The following CACNA2D3 variants were observed in gnomAD, a reference collection of about 807,000 sequenced individuals.
The protein encoded by CACNA2D3 is calcium voltage-gated channel auxiliary subunit alpha2delta 3.
In CACNA2D3, 60 loss-of-function variants were observed where a neutral mutation model predicts 160.6. The observed-to-expected ratio is 0.37, with a 90% CI of 0.30 to 0.46. CACNA2D3 has a LOEUF of 0.46. Ranked by LOEUF, CACNA2D3 falls within the 20% of genes least tolerant of loss-of-function variation. The probability of loss-of-function intolerance (pLI) is 1.00; values close to 1 mark genes in which losing one functional copy is unlikely to be tolerated. For synonymous variants in CACNA2D3, 558 were observed against 492.9 expected (o/e 1.13, Z -1.75); for missense variants, 1,205 against 1,365.0 (o/e 0.88, Z 1.85).
intron 3 of CACNA2D3, among the ~76,000 whole-genome samples, chr3:54,355,778 T>C (rs908196101): frequency 1.3e-5 from 2 of 152,178 alleles, no homozygotes; most frequent in Admixed American, 6.5e-5. Context: ...TATTAAGTCA[T>C]GTGTCTAGGA....
At chr3:55,006,785 TC>T (rs377401325) in intron 32 of CACNA2D3, among the ~76,000 whole-genome samples, 34 of 152,342 alleles carry the variant, frequency 2.2e-4, no homozygotes, top group African/African-American at 7.7e-4. Flanking sequence ...GTAAATTTGT[TC>T]TTGTTTCATT....
Position 54,494,440 on chromosome 3 carries a change from C to T in CACNA2D3, c.382-9052C>T, listed in dbSNP as rs114807832. The stretch of plus-strand genomic sequence containing the variant: ...ATCCCTATTTCATCTGCATTCTGGG[C>T]AGCGCAGATTATTCAATTAAATGGC... On this transcript the variant is annotated intron_variant, in intron 4 of 37. Coordinates refer to ENST00000474759, the MANE Select transcript of CACNA2D3 (RefSeq NM_018398.3). Among the ~76,000 whole-genome samples, 891 of 152,264 alleles carry T rather than the reference C, an allele frequency of 5.9e-3. 10 individuals carry two copies. Among genetic ancestry groups the T allele is most frequent in the African/African-American group, 0.019 (795 of 41,556 alleles).
chr3:54,505,343 C>A (rs1207354101), intron 5 of CACNA2D3, among the ~76,000 whole-genome samples: 2 of 152,158 alleles, frequency 1.3e-5, no homozygotes, highest in South Asian at 2.1e-4. Context: ...AAGGATGGGA[C>A]CTGTCTACTT....
At position 54,947,879 on chromosome 3, in the gene CACNA2D3, C is replaced by G. The variant is rs912158282; in HGVS notation, c.2450-20571C>G. ...CTCACTAGGGAGCTGCTTCAAACCTCACATCTGCCAACAAATTTGCCTGCA... is the reference window on the plus strand; with the variant it reads ...CTCACTAGGGAGCTGCTTCAAACCTGACATCTGCCAACAAATTTGCCTGCA... On this transcript the variant is annotated intron_variant, in intron 27 of 37. Coordinates refer to ENST00000474759, the MANE Select transcript of CACNA2D3 (RefSeq NM_018398.3). Among the ~76,000 whole-genome samples the G allele has an allele frequency of 5.3e-5, 8 of 152,164 alleles. No homozygotes were observed. In the East Asian group the frequency reaches 1.5e-3, roughly 29 times the overall value.
chr3:54,664,847 G>A (rs1333930190), intron 11 of CACNA2D3, among the ~76,000 whole-genome samples: 1 of 152,174 alleles, frequency 6.6e-6, no homozygotes, highest in East Asian at 1.9e-4. Flanking sequence ...TGGAGGTGGA[G>A]GCTCTGGCTG....
chr3:54,808,653 G>C (rs1413667211), intron 13 of CACNA2D3, among the ~76,000 whole-genome samples: 1 of 152,268 alleles, frequency 6.6e-6, no homozygotes, highest in South Asian at 2.1e-4. Flanking sequence ...GAAGGAAAGG[G>C]GTTAGATAAT....
chr3:54,565,278 G>GTA (rs1702391189), intron 6 of CACNA2D3, among the ~76,000 whole-genome samples: 2 of 152,148 alleles, frequency 1.3e-5, no homozygotes, highest in South Asian at 4.1e-4. Context: ...CATCATCATG[G>GTA]TACAGTGCGT....
At chr3:54,809,358 T>C (rs1476835959) in intron 13 of CACNA2D3, among the ~76,000 whole-genome samples, 3 of 124,340 alleles carry the variant, frequency 2.4e-5, no homozygotes, top group South Asian at 2.8e-4. Context: ...GTCGCCCAGG[T>C]CGGACTGCGG....
At chr3:55,025,253 A>G (rs535277326) in intron 35 of CACNA2D3, among the ~76,000 whole-genome samples, 2 of 152,352 alleles carry the variant, frequency 1.3e-5, no homozygotes, top group South Asian at 4.1e-4. Context: ...ACTACCTTTC[A>G]TTCAGTAGGA....
At chr3:54,491,329 G>A (rs181414292) in intron 4 of CACNA2D3, among the ~76,000 whole-genome samples, 1 of 152,334 alleles carries the variant, frequency 6.6e-6, no homozygotes, top group Admixed American at 6.5e-5. Context: ...ACGCCACAAT[G>A]TGTGGAGCCT....
Position 54,248,745 on chromosome 3 carries a change from CTG to C in CACNA2D3, c.205-71694_205-71693del, listed in dbSNP as rs370212964. 1.2e-3 allele frequency among the ~76,000 whole-genome samples: 183 copies of C among 152,244 alleles called. 1 individual carries two copies. Among genetic ancestry groups the C allele is most frequent in the African/African-American group, 4.2e-3 (175 of 41,536 alleles). On this transcript the variant is annotated intron_variant, in intron 2 of 37. Coordinates refer to ENST00000474759, the MANE Select transcript of CACNA2D3 (RefSeq NM_018398.3). ...ATTTATGTTGTTTAAGACCCCCAGT[CTG>C]TGGTACTTTGTTATGGCAGACCTAA...
intron 4 of CACNA2D3, among the ~76,000 whole-genome samples, chr3:54,401,508 T>C (rs1427738205): frequency 7.9e-5 from 12 of 152,080 alleles, no homozygotes; most frequent in African/African-American, 2.9e-4. Flanking sequence ...AAGAGAAAAG[T>C]GTCAGGTCAC....
intron 6 of CACNA2D3, among the ~76,000 whole-genome samples, chr3:54,563,834 C>G (rs1702365871): frequency 6.6e-6 from 1 of 152,166 alleles, no homozygotes; most frequent in African/African-American, 2.4e-5. Context: ...CGGCCTCTGC[C>G]TTGCGGAGCT....
intron 2 of CACNA2D3, among the ~76,000 whole-genome samples, chr3:54,165,600 TAAAAA>T (rs373085382): frequency 2.1e-5 from 2 of 93,428 alleles, no homozygotes; most frequent in Non-Finnish European, 4.3e-5. Context: ...GTTCCATCTC[TAAAAA>T]AAAAAAAAAA....
At chr3:54,972,274 C>T (rs959221872) in intron 29 of CACNA2D3, among the ~76,000 whole-genome samples, 1 of 152,186 alleles carries the variant, frequency 6.6e-6, no homozygotes, top group Non-Finnish European at 1.5e-5. Flanking sequence ...TGATCTGATG[C>T]TCAAATATCC....
intron 3 of CACNA2D3, among the ~76,000 whole-genome samples, chr3:54,361,272 ACTGC>A (rs1698738506): frequency 6.6e-6 from 1 of 151,714 alleles, no homozygotes; most frequent in African/African-American, 2.4e-5. Flanking sequence ...GGTTGAAGAC[ACTGC>A]ATACCTGACT....
intron 3 of CACNA2D3, among the ~76,000 whole-genome samples, chr3:54,339,586 G>A (rs1704470284): frequency 6.6e-6 from 1 of 152,172 alleles, no homozygotes; most frequent in South Asian, 2.1e-4. Flanking sequence ...GTTCACCCAG[G>A]ATAGTGCCTC....
chr3:54,422,448 AG>A (rs1443630863), intron 4 of CACNA2D3, among the ~76,000 whole-genome samples: 1 of 152,242 alleles, frequency 6.6e-6, no homozygotes, highest in Non-Finnish European at 1.5e-5. Context: ...GGATATAGAA[AG>A]AACCCCTTCC....
chr3:54,217,199 A>G (rs550388990), intron 2 of CACNA2D3, among the ~76,000 whole-genome samples: 35 of 152,242 alleles, frequency 2.3e-4, no homozygotes, highest in African/African-American at 8.2e-4. Context: ...AAGCAGCCAG[A>G]GGCGTGTTCA....
Sources: gnomAD v4.1 joint callset for allele counts (sites outside exome capture counted in the v4.1 genomes callset) on GRCh38, gnomAD v4.1.1 for gene constraint, MANE v1.5 for transcripts, NCBI Gene and HGNC (gene_info 2026-07-23, HGNC 2026-07-21) for gene names.